PRMT3: variants seen among roughly 807,000 people sequenced by gnomAD.
The protein encoded by PRMT3 is protein arginine N-methyltransferase 3.
A neutral mutation model predicts 71.9 loss-of-function variants in PRMT3; 62 were observed. The observed-to-expected ratio is 0.86, with a 90% CI of 0.70 to 1.07. The LOEUF is 1.07. Ranked by LOEUF, PRMT3 falls within the 50% of genes least tolerant of loss-of-function variation. The pLI is 0.00. For missense variants in PRMT3, 663 were observed against 643.0 expected (o/e 1.03, Z -0.34); for synonymous variants, 213 against 220.4 (o/e 0.97, Z 0.30).
chr11:20,397,526 AT>A lies in PRMT3; in HGVS notation c.561-49del, dbSNP rs764922377. On this transcript the variant is annotated intron_variant, in intron 6 of 15. Coordinates refer to ENST00000331079, the MANE Select transcript of PRMT3 (RefSeq NM_005788.4). Reference sequence around the variant, plus strand: ...TTCCTCAACCTCTAGCCTTTCCTTTATTCATGGTCCAATAAACCTGTCTCAA... The same window carrying A: ...TTCCTCAACCTCTAGCCTTTCCTTTATCATGGTCCAATAAACCTGTCTCAA... 3 of 1,591,114 alleles carry A rather than the reference AT, an allele frequency of 1.9e-6. No individual in the cohort carries two copies. In the African/African-American group the frequency reaches 4.0e-5, roughly 21 times the overall value.
chr11:20,457,751 T>A (rs182807842), intron 11 of PRMT3, among the ~76,000 whole-genome samples: 1 of 152,352 alleles, frequency 6.6e-6, no homozygotes, highest in African/African-American at 2.4e-5. Flanking sequence ...TATCTCAATA[T>A]AATCAGCCAC....
chr11:20,490,962 C>T (rs1041100300), intron 13 of PRMT3, among the ~76,000 whole-genome samples: 1 of 151,758 alleles, frequency 6.6e-6, no homozygotes, highest in African/African-American at 2.4e-5. Flanking sequence ...TTTTTTTCTC[C>T]ATCAGTGTCT....
intron 13 of PRMT3, among the ~76,000 whole-genome samples, chr11:20,489,299 T>C (rs1216445754): frequency 6.6e-6 from 1 of 152,180 alleles, no homozygotes; most frequent in East Asian, 1.9e-4. Context: ...CTCCTACAGA[T>C]AGATTTTAAT....
intron 9 of PRMT3, among the ~76,000 whole-genome samples, chr11:20,409,084 A>G (rs1416868520): frequency 6.6e-6 from 1 of 152,192 alleles, no homozygotes; most frequent in Non-Finnish European, 1.5e-5. Context: ...GTGACAGAGC[A>G]AGACACTTTC....
chr11:20,409,318 T>C (rs1414329244), intron 9 of PRMT3, among the ~76,000 whole-genome samples: 3 of 152,292 alleles, frequency 2.0e-5, no homozygotes, highest in South Asian at 2.1e-4. Flanking sequence ...TCTAACGTGT[T>C]AGAAATCTCA....
At position 20,508,582 on chromosome 11, in the gene PRMT3, G is replaced by T; in HGVS notation, c.*169G>T. ...TGTGGGAATCTGACATAGTTCAGCT[G>T]AGGAAGAGAATCAGCTGATCCTCAT... On this transcript the variant is annotated 3_prime_UTR_variant, in exon 16 of 16. Transcript: ENST00000331079. 1 of 698,610 alleles carries T rather than the reference G, an allele frequency of 1.4e-6. No homozygotes were observed. The highest frequency in any genetic ancestry group is 2.6e-6 in the Non-Finnish European group (1 of 380,194). 43.3% of individuals were successfully genotyped at this position (698,610 alleles called of 1,614,324 possible).
At chr11:20,410,428 C>T (rs1849169333) in intron 9 of PRMT3, among the ~76,000 whole-genome samples, 1 of 151,840 alleles carries the variant, frequency 6.6e-6, no homozygotes, top group Non-Finnish European at 1.5e-5. Context: ...AAATGTGTTT[C>T]TGGTATATTG....
intron 10 of PRMT3, among the ~76,000 whole-genome samples, chr11:20,447,196 A>G (rs1041091777): frequency 1.3e-5 from 2 of 152,062 alleles, no homozygotes; most frequent in African/African-American, 4.8e-5. Flanking sequence ...AGATTAGGAA[A>G]GAATGCTTAT....
At chr11:20,403,114 G>A in intron 8 of PRMT3, 130 bp downstream of exon 8, 2 of 692,364 alleles carry the variant, frequency 2.9e-6, no homozygotes, top group South Asian at 1.8e-5. Flanking sequence ...AGACATTTAT[G>A]ATGCTGCTCT....
intron 10 of PRMT3, among the ~76,000 whole-genome samples, chr11:20,450,285 C>T (rs1336254172): frequency 6.6e-6 from 1 of 151,986 alleles, no homozygotes; most frequent in Non-Finnish European, 1.5e-5. Context: ...TATGTTTTAC[C>T]AGCCAATCTT....
At chr11:20,394,623 C>G (rs1440286702) in intron 5 of PRMT3, among the ~76,000 whole-genome samples, 2 of 152,138 alleles carry the variant, frequency 1.3e-5, no homozygotes, top group East Asian at 3.8e-4. Flanking sequence ...CAGTTAAGAT[C>G]TATTGTCTGC....
intron 9 of PRMT3, among the ~76,000 whole-genome samples, chr11:20,408,249 ATTT>A (rs1379485576): frequency 3.9e-5 from 6 of 152,062 alleles, no homozygotes; most frequent in Non-Finnish European, 8.8e-5. Flanking sequence ...GATGAGAATT[ATTT>A]TTATATTGAT....
intron 15 of PRMT3, among the ~76,000 whole-genome samples, chr11:20,495,758 GTCT>G (rs770483113): frequency 1.3e-5 from 2 of 152,082 alleles, no homozygotes; most frequent in African/African-American, 2.4e-5. Context: ...CTACATATAA[GTCT>G]TCTTGTACCA....
At chr11:20,441,736 G>A (rs1342172588) in intron 10 of PRMT3, among the ~76,000 whole-genome samples, 4 of 149,266 alleles carry the variant, frequency 2.7e-5, no homozygotes, top group Non-Finnish European at 5.9e-5. Flanking sequence ...GAAAACCTTG[G>A]TTCCTAAGAT....
intron 14 of PRMT3, 93 bp from the exon 15 acceptor site, chr11:20,494,074 C>A (rs1851275871): frequency 1.4e-6 from 2 of 1,445,732 alleles, no homozygotes; most frequent in Non-Finnish European, 1.9e-6. Flanking sequence ...CTGCTGTAAG[C>A]AATTGGGGCT....
chr11:20,486,616 A>G (rs145474120), intron 13 of PRMT3, among the ~76,000 whole-genome samples: 200 of 152,206 alleles, frequency 1.3e-3, no homozygotes, highest in African/African-American at 4.6e-3. Context: ...ACAAGGAACA[A>G]TGGAATTCGG....
chr11:20,473,926 ATGT>A (rs1565228178), intron 13 of PRMT3, among the ~76,000 whole-genome samples: 2 of 151,916 alleles, frequency 1.3e-5, no homozygotes, highest in East Asian at 3.9e-4. Context: ...TTTTTCATTG[ATGT>A]TGTTTTCGGT....
chr11:20,396,650 G>C (rs763604422), intron 6 of PRMT3, among the ~76,000 whole-genome samples: 1 of 141,158 alleles, frequency 7.1e-6, no homozygotes, highest in South Asian at 2.1e-4. Context: ...TGGGGTCGGT[G>C]GGGGGGAATC....
At chr11:20,500,249 G>T (rs1029157593) in intron 15 of PRMT3, among the ~76,000 whole-genome samples, 1 of 152,130 alleles carries the variant, frequency 6.6e-6, no homozygotes, top group African/African-American at 2.4e-5. Flanking sequence ...ATTGCTCAGA[G>T]AAATTAAAGA....
Sources: gnomAD v4.1 joint callset for allele counts (sites outside exome capture counted in the v4.1 genomes callset) on GRCh38, gnomAD v4.1.1 for gene constraint, MANE v1.5 for transcripts, NCBI Gene and HGNC (gene_info 2026-07-23, HGNC 2026-07-21) for gene names.